CCDC66: variants seen among roughly 807,000 people sequenced by gnomAD.
CCDC66 encodes coiled-coil domain-containing protein 66.
CCDC66 carries 133 observed loss-of-function variants against 128.3 expected under a neutral mutation model. The ratio of observed to expected loss-of-function variants is 1.04; its 90% CI spans 0.90 to 1.20. The LOEUF is 1.20. Among genes scored for constraint, CCDC66 ranks in the 50% most tolerant of loss-of-function variants. The probability of loss-of-function intolerance (pLI) is 0.00; values close to 1 mark genes in which losing one functional copy is unlikely to be tolerated. For synonymous variants in CCDC66, 387 were observed against 357.0 expected (o/e 1.08, Z -0.95); for missense variants, 1,126 against 1,075.5 (o/e 1.05, Z -0.66).
chr3:56,566,620 AT>A lies in CCDC66; in HGVS notation c.574del (p.Ser192LeufsTer30), dbSNP rs1182874859. On this transcript the variant is annotated frameshift_variant, in exon 5 of 18. Transcript: ENST00000394672. LOFTEE classifies it high-confidence loss of function. ...TCAATATAGTCTATATTTAAACAGT[AT>A]TTCTAATCAGCCAAAGGATGAGAAC... is the stretch of plus-strand genomic sequence containing the variant. ...KSQYSLYLNS[I>X]SNQPKDENIM... 1.3e-6 allele frequency: 2 copies of A among 1,587,468 alleles called. No homozygotes were observed. The highest frequency in any genetic ancestry group is 1.7e-6 in the Non-Finnish European group (2 of 1,156,342).
chr3:56,572,039 A>T (rs1255816824), intron 7 of CCDC66, among the ~76,000 whole-genome samples: 1 of 152,148 alleles, frequency 6.6e-6, no homozygotes, highest in Non-Finnish European at 1.5e-5. Flanking sequence ...ATTTTAAAAC[A>T]GTGTTATTTT....
intron 7 of CCDC66, among the ~76,000 whole-genome samples, chr3:56,581,625 C>G (rs1017785122): frequency 6.6e-6 from 1 of 151,820 alleles, no homozygotes; most frequent in Non-Finnish European, 1.5e-5. Context: ...GCTAGTTTTC[C>G]TTCTAACAGT....
At position 56,613,582 on chromosome 3, in the gene CCDC66, T is replaced by C; in HGVS notation, c.1405-7T>C. ...TGACAATGATTTACGTGATTGCTTA[T>C]GACTAGAAAGCCATCACTGCCCAGG... On this transcript the variant is annotated splice_polypyrimidine_tract_variant and splice_region_variant and intron_variant, in intron 10 of 17. Transcript: ENST00000394672. 6.2e-7 allele frequency: 1 copy of C among 1,606,404 alleles called. No individual in the cohort carries two copies. Among genetic ancestry groups the C allele is most frequent in the Non-Finnish European group, 8.5e-7 (1 of 1,178,046 alleles).
Position 56,621,522 on chromosome 3 carries a change from G to C in CCDC66, c.2761-10G>C. ...ATTTTACTAACAAACATATATCAATGTGATTTCAGGGCCTTCTCCAGAAGC... is the reference window on the plus strand; with the variant it reads ...ATTTTACTAACAAACATATATCAATCTGATTTCAGGGCCTTCTCCAGAAGC... On this transcript the variant is annotated splice_polypyrimidine_tract_variant and intron_variant, in intron 17 of 17. Coordinates refer to ENST00000394672, the MANE Select transcript of CCDC66 (RefSeq NM_001141947.3). 1 of 1,566,362 alleles carries C rather than the reference G, an allele frequency of 6.4e-7. No homozygotes were observed. Among genetic ancestry groups the C allele is most frequent in the Non-Finnish European group, 8.7e-7 (1 of 1,153,820 alleles).
Position 56,617,365 on chromosome 3 carries a change from A to G in CCDC66, c.2097A>G (p.Lys699=). The part of the protein sequence containing the change: ...KQTKHMKKYP[K]RPDWNINKPP... ...CAAAACACATGAAGAAATATCCTAA[A>G]AGGCCTGATTGGAATATAAATAAGC... Residue 699 remains lysine, a synonymous_variant, in exon 14 of 18, where the codon AAA becomes AAG. Coordinates refer to ENST00000394672, the MANE Select transcript of CCDC66 (RefSeq NM_001141947.3). The G allele has an allele frequency of 6.2e-7, 1 of 1,613,828 alleles. No individual in the cohort carries two copies. The highest frequency in any genetic ancestry group is 8.5e-7 in the Non-Finnish European group (1 of 1,179,948).
intron 10 of CCDC66, among the ~76,000 whole-genome samples, chr3:56,599,515 A>G (rs2072765623): frequency 6.6e-6 from 1 of 151,724 alleles, no homozygotes; most frequent in Non-Finnish European, 1.5e-5. Flanking sequence ...CACTTTTTTG[A>G]TATAGGCACT....
Position 56,564,048 on chromosome 3 carries a change from A to T in CCDC66, c.467A>T (p.Gln156Leu). The change falls in exon 4 of 18, where the codon CAA becomes CTA. Residue 156 changes from glutamine to leucine, a missense_variant. Coordinates refer to ENST00000394672, the MANE Select transcript of CCDC66 (RefSeq NM_001141947.3). The stretch of plus-strand genomic sequence containing the variant: ...AGTTTGGTGTGTCTAACACAAGACC[A>T]ACTACAACAGATTTTGATGACTGTA... The part of the protein sequence containing the change: ...KSSLVCLTQD[Q>L]LQQILMTVNQ... 1.9e-6 allele frequency: 3 copies of T among 1,614,024 alleles called. No homozygotes were observed. The highest frequency in any genetic ancestry group is 2.5e-6 in the Non-Finnish European group (3 of 1,179,938).
At chr3:56,587,834 A>T (rs1460997941) in intron 7 of CCDC66, among the ~76,000 whole-genome samples, 1 of 152,162 alleles carries the variant, frequency 6.6e-6, no homozygotes, top group African/African-American at 2.4e-5. Context: ...GCACCACTGC[A>T]CTCCAGCCTG....
At chr3:56,589,270 C>T (rs1285427422) in intron 7 of CCDC66, among the ~76,000 whole-genome samples, 1 of 152,100 alleles carries the variant, frequency 6.6e-6, no homozygotes, top group Non-Finnish European at 1.5e-5. Context: ...CAGAATGGTA[C>T]TATCTTTATT....
chr3:56,588,313 G>A (rs749286366), intron 7 of CCDC66, among the ~76,000 whole-genome samples: 9 of 152,206 alleles, frequency 5.9e-5, no homozygotes, highest in Non-Finnish European at 1.2e-4. Flanking sequence ...GAAAGGCTGG[G>A]AGGGGGCTGA....
intron 10 of CCDC66, among the ~76,000 whole-genome samples, chr3:56,613,107 G>A (rs562152985): frequency 2.6e-5 from 4 of 152,280 alleles, no homozygotes; most frequent in East Asian, 1.9e-4. Flanking sequence ...GACCACTAGG[G>A]ACTGGGCTCT....
chr3:56,593,158 A>G, intron 8 of CCDC66, 57 bp downstream of exon 8: 1 of 1,340,260 alleles, frequency 7.5e-7, no homozygotes, highest in Non-Finnish European at 1.0e-6. Context: ...GTCTTTAATC[A>G]ATTAAAACTA....
Position 56,621,581 on chromosome 3 carries a change from C to G in CCDC66, c.2810C>G (p.Ala937Gly). Residue 937 changes from alanine to glycine, a missense_variant, in exon 18 of 18, where the codon GCT becomes GGT. Transcript: ENST00000394672. ...TTGGAAAGTAGTCTCCTGCCTTTAGCTGAAAATCAAGAAGAGAGTTTTGGT... is the reference window on the plus strand; with the variant it reads ...TTGGAAAGTAGTCTCCTGCCTTTAGGTGAAAATCAAGAAGAGAGTTTTGGT... ...KELESSLLPLAENQEESFGSS... is the reference protein window; with the variant it reads ...KELESSLLPLGENQEESFGSS... 6.2e-7 allele frequency: 1 copy of G among 1,601,172 alleles called. No individual in the cohort carries two copies. The highest frequency in any genetic ancestry group is 2.2e-5 in the East Asian group (1 of 44,552).
At position 56,607,931 on chromosome 3, in the gene CCDC66, A is replaced by G. The variant is rs1219032370; in HGVS notation, c.1405-5658A>G. On this transcript the variant is annotated intron_variant, in intron 10 of 17. Coordinates refer to ENST00000394672, the MANE Select transcript of CCDC66 (RefSeq NM_001141947.3). The stretch of plus-strand genomic sequence containing the variant: ...TTGTTCTTAATTCTGTTTATGTGGT[A>G]TATTACATTTATTGAGTATGTTAAA... Among the ~76,000 whole-genome samples, 3 of 152,086 alleles carry G rather than the reference A, an allele frequency of 2.0e-5. No homozygotes were observed. The South Asian group carries it at 6.2e-4, about 32-fold the overall frequency.
At chr3:56,564,226 A>T (rs139086631) in intron 4 of CCDC66, 101 bp downstream of exon 4, 1 of 801,182 alleles carries the variant, frequency 1.2e-6, no homozygotes, top group Non-Finnish European at 1.9e-6. Context: ...CTTAAACTCT[A>T]ATTTAACCTG....
chr3:56,582,552 CCCTTTAAGAATTGTTCTTTAT>C (rs1254068888), intron 7 of CCDC66, among the ~76,000 whole-genome samples: 1 of 151,162 alleles, frequency 6.6e-6, no homozygotes, highest in Non-Finnish European at 1.5e-5. Context: ...TTTTTAAATA[CCCTTTAAGAATTGTTCTTTAT>C]TGGTATATAG....
intron 7 of CCDC66, among the ~76,000 whole-genome samples, chr3:56,576,089 A>G (rs11130527): frequency 0.84 from 126,546 of 151,194 alleles, 53,644 homozygotes; most frequent in Non-Finnish European, 0.91. Flanking sequence ...ATTTTCATAG[A>G]GATTGCATTG....
rs1415682848 is a variant in CCDC66 at position 56,606,950 on chromosome 3, G to GT, written c.1405-6638dup. On this transcript the variant is annotated intron_variant, in intron 10 of 17. Coordinates refer to ENST00000394672, the MANE Select transcript of CCDC66 (RefSeq NM_001141947.3). ...TTGCTTTGTCGAAGATCAGTTGGCT[G>GT]TAAGTATTTGGGTTTATTTCTGGGT... Among the ~76,000 whole-genome samples the GT allele has an allele frequency of 1.2e-4, 19 of 152,164 alleles. 2 individuals are homozygous for GT. The highest frequency in any genetic ancestry group is 4.6e-4 in the African/African-American group (19 of 41,428).
At chr3:56,575,392 A>G (rs1422916500) in intron 7 of CCDC66, among the ~76,000 whole-genome samples, 1 of 151,838 alleles carries the variant, frequency 6.6e-6, no homozygotes, top group East Asian at 2.0e-4. Flanking sequence ...ATGTATTTGA[A>G]GAAATGTCTA....
Sources: gnomAD v4.1 joint callset for allele counts (sites outside exome capture counted in the v4.1 genomes callset) on GRCh38, gnomAD v4.1.1 for gene constraint, MANE v1.5 for transcripts, NCBI Gene and HGNC (gene_info 2026-07-23, HGNC 2026-07-21) for gene names.